The following MGST2 variants were observed in gnomAD, a reference collection of about 807,000 sequenced individuals.
MGST2 encodes glutathione peroxidase MGST2.
Under a neutral mutation model 16.6 loss-of-function variants are expected in MGST2, and 9 were observed. That is an observed-to-expected ratio of 0.54 (90% CI 0.33 to 0.95). The LOEUF (loss-of-function observed/expected upper bound fraction) is 0.95, where lower values mean the gene tolerates loss of function less well. Ranked by LOEUF, MGST2 falls within the 40% of genes least tolerant of loss-of-function variation. The pLI, the probability that MGST2 is intolerant of heterozygous loss-of-function variation, is 0.03. For synonymous variants in MGST2, 79 were observed against 68.0 expected (o/e 1.16, Z -0.79); for missense variants, 159 against 175.1 (o/e 0.91, Z 0.52).
intron 5 of MGST2, chr4:139,719,013 C>T (rs142649073): frequency 3.5e-4 from 105 of 302,846 alleles, no homozygotes; most frequent in African/African-American, 1.7e-3. Flanking sequence ...CTGGGCCAGG[C>T]GATCACAGGG....
intron 1 of MGST2, among the ~76,000 whole-genome samples, chr4:139,669,404 A>G (rs1461534998): frequency 6.6e-6 from 1 of 152,222 alleles, no homozygotes; most frequent in Non-Finnish European, 1.5e-5. Flanking sequence ...GAAGACAGAC[A>G]GAGCTGTATC....
At chr4:139,683,829 A>G (rs1455835669) in intron 2 of MGST2, among the ~76,000 whole-genome samples, 2 of 152,060 alleles carry the variant, frequency 1.3e-5, no homozygotes, top group South Asian at 2.1e-4. Flanking sequence ...TCATGGAGAA[A>G]GGCAAGTCAC....
rs28409956 is a variant in MGST2 at position 139,735,909 on chromosome 4, G to A, written c.*49-4303G>A. 0.036 allele frequency among the ~76,000 whole-genome samples: 5,422 copies of A among 152,006 alleles called. 239 individuals carry two copies. The highest frequency in any genetic ancestry group is 0.16 in the East Asian group (828 of 5,132). ...GAGGGGCCCTGGAGGTCCTCGGCCC[G>A]CGCGCGCCGCTCGGGAGCCCGCGAG... On this transcript the variant is annotated intron_variant, in intron 5 of 5. Coordinates refer to the MGST2 transcript ENST00000616265. The surrounding 1 kb of genome is among the most constrained non-coding windows in gnomAD (Gnocchi z 5.8).
At chr4:139,676,514 C>T (rs1461141221) in intron 1 of MGST2, among the ~76,000 whole-genome samples, 1 of 152,148 alleles carries the variant, frequency 6.6e-6, no homozygotes, top group Non-Finnish European at 1.5e-5. Flanking sequence ...GGCAGAAGTC[C>T]TTTCTCTTTG....
At chr4:139,701,986 C>T (rs773765701) in intron 3 of MGST2, among the ~76,000 whole-genome samples, 7 of 150,676 alleles carry the variant, frequency 4.6e-5, no homozygotes, top group Non-Finnish European at 5.9e-5. Context: ...AAAAATCATG[C>T]GGCCAAGTAA....
chr4:139,670,685 G>A (rs184675231), intron 1 of MGST2, among the ~76,000 whole-genome samples: 2 of 152,186 alleles, frequency 1.3e-5, no homozygotes, highest in African/African-American at 4.8e-5. Flanking sequence ...GACCAAGGTG[G>A]GTAGATCACT....
chr4:139,678,777 C>T, intron 2 of MGST2, 135 bp downstream of exon 2: 2 of 748,850 alleles, frequency 2.7e-6, no homozygotes, highest in East Asian at 5.4e-5. Context: ...CTCTTCACAG[C>T]CAAGACCGTT....
chr4:139,695,267 G>C lies in MGST2; in HGVS notation c.229G>C (p.Val77Leu). 1 of 1,605,066 alleles carries C rather than the reference G, an allele frequency of 6.2e-7. No individual in the cohort carries two copies. The highest frequency in any genetic ancestry group is 1.3e-5 in the African/African-American group (1 of 74,822). Residue 77 changes from valine (V) to leucine (L), a missense_variant and splice_region_variant, in exon 3 of 5, where the codon GTT becomes CTT. Transcript: ENST00000265498. ...LWMAGWYFNQ[V>L]FATCLGLVYI... is the part of the protein sequence containing the mutation. ...GATGGCTGGGTGGTATTTCAACCAA[G>C]GTAATGTTAAAATACAGTCAACTGT... is the stretch of plus-strand genomic sequence containing the variant.
intron 3 of MGST2, among the ~76,000 whole-genome samples, chr4:139,697,179 T>C (rs1726973552): frequency 6.6e-6 from 1 of 152,146 alleles, no homozygotes; most frequent in Non-Finnish European, 1.5e-5. Flanking sequence ...AGCAACTTTA[T>C]AGATAAGGGC....
Position 139,666,028 on chromosome 4 carries a change from G to T in MGST2, c.9G>T (p.Gly3=). MA[G]NSILLAAVSI... is the part of the protein sequence containing the mutation. Reference sequence around the variant, plus strand: ...ATAGTTCCGTGAGAAAGATGGCCGGGAACTCGATCCTGCTGGCTGCTGTCT... The same window carrying T: ...ATAGTTCCGTGAGAAAGATGGCCGGTAACTCGATCCTGCTGGCTGCTGTCT... Residue 3 remains glycine, a synonymous_variant, in exon 1 of 5, where the codon GGG becomes GGT. Transcript: ENST00000265498. 6.2e-7 allele frequency: 1 copy of T among 1,614,080 alleles called. No homozygotes were observed. The highest frequency in any genetic ancestry group is 8.5e-7 in the Non-Finnish European group (1 of 1,180,012).
At chr4:139,717,263 CCTGT>C in intron 5 of MGST2, 1 of 152,718 alleles carries the variant, frequency 6.5e-6, no homozygotes, top group South Asian at 2.1e-4. Context: ...GCCCCCCACC[CCTGT>C]CTGTCTCACT....
intron 5 of MGST2, among the ~76,000 whole-genome samples, chr4:139,723,565 G>C (rs1394746401): frequency 1.3e-5 from 2 of 152,158 alleles, no homozygotes; most frequent in Admixed American, 6.5e-5. Flanking sequence ...GCCCGCCTCG[G>C]CCTCCCAACG....
chr4:139,678,482 C>T (rs139460289), intron 1 of MGST2, 61 bp from the exon 2 acceptor site: 162 of 1,234,208 alleles, frequency 1.3e-4, no homozygotes, highest in Non-Finnish European at 1.7e-4. Flanking sequence ...TTTAAATTTG[C>T]ATTCCACTAA....
At chr4:139,700,130 T>C (rs1394079955) in intron 3 of MGST2, among the ~76,000 whole-genome samples, 4 of 68,024 alleles carry the variant, frequency 5.9e-5, no homozygotes, top group African/African-American at 3.8e-4. Context: ...GGTTTTGCTT[T>C]TTTTTTTTTT....
the MGST2 span, among the ~76,000 whole-genome samples, chr4:139,753,557 A>G: frequency 6.6e-6 from 1 of 152,188 alleles, no homozygotes; most frequent in Non-Finnish European, 1.5e-5. Context: ...TGAGTCTAAA[A>G]CTACCATGAA....
chr4:139,752,480 G>A, the MGST2 span, among the ~76,000 whole-genome samples: 1 of 152,080 alleles, frequency 6.6e-6, no homozygotes, highest in African/African-American at 2.4e-5. Flanking sequence ...CTATGAAAAG[G>A]GGGTGAGTGA....
intron 5 of MGST2, among the ~76,000 whole-genome samples, chr4:139,729,221 T>G (rs1728602676): frequency 6.6e-6 from 1 of 151,584 alleles, no homozygotes; most frequent in Non-Finnish European, 1.5e-5. Flanking sequence ...AATTTTTCTC[T>G]TTGGGGGATG....
intron 5 of MGST2, chr4:139,730,443 CTG>C (rs1728655598): frequency 7.1e-6 from 11 of 1,551,316 alleles, no homozygotes; most frequent in East Asian, 4.9e-5. Flanking sequence ...GCTGCTGCTG[CTG>C]CTGCTGCTGC....
intron 2 of MGST2, chr4:139,678,913 A>G: frequency 1.9e-6 from 1 of 528,232 alleles, no homozygotes; most frequent in Middle Eastern, 5.2e-4. Context: ...TCTCCCAAGG[A>G]GGGTCACTGG....
Sources: gnomAD v4.1 joint callset for allele counts (sites outside exome capture counted in the v4.1 genomes callset) on GRCh38, gnomAD v4.1.1 for gene constraint, Gnocchi (gnomAD v3.1) non-coding constraint, MANE v1.5 for transcripts, NCBI Gene and HGNC (gene_info 2026-07-23, HGNC 2026-07-21) for gene names.